Variants in CCDC93 observed in about 807,000 individuals in gnomAD.
CCDC93 encodes the protein coiled-coil domain-containing protein 93.
CCDC93 carries 61 observed loss-of-function variants against 108.2 expected under a neutral mutation model. The observed-to-expected ratio is 0.56, with a 90% CI of 0.46 to 0.70. CCDC93 has a LOEUF of 0.70. CCDC93 is among the 30% of genes least tolerant of loss of function. The pLI is 0.00. For synonymous variants in CCDC93, 276 were observed against 260.4 expected (o/e 1.06, Z -0.58); for missense variants, 685 against 764.2 (o/e 0.90, Z 1.22).
chr2:117,975,070 T>C, intron 9 of CCDC93, 118 bp downstream of exon 9: 11 of 1,049,438 alleles, frequency 1.0e-5, no homozygotes, highest in Non-Finnish European at 1.6e-5. Context: ...GTGAAAGACC[T>C]GCTCACAGCA....
In CCDC93 at chr2:117,931,161, A is replaced by G; in HGVS notation, c.1729-11T>C. 1 of 1,594,764 alleles carries G rather than the reference A, an allele frequency of 6.3e-7. No homozygotes were observed. The highest frequency in any genetic ancestry group is 8.6e-7 in the Non-Finnish European group (1 of 1,162,672). ...CTTTTTCTTTTCCATCTGTTGAAAC[A>G]TTGTGGGAAATGGTGATGAAAAGAC... is the stretch of plus-strand genomic sequence containing the variant. On this transcript the variant is annotated splice_polypyrimidine_tract_variant and intron_variant, in intron 22 of 23. Coordinates refer to ENST00000376300, the MANE Select transcript of CCDC93 (RefSeq NM_019044.5).
intron 23 of CCDC93, among the ~76,000 whole-genome samples, chr2:117,929,629 G>T (rs1678255722): frequency 6.6e-6 from 1 of 152,218 alleles, no homozygotes; most frequent in Admixed American, 6.5e-5. Flanking sequence ...TTGAGATGCA[G>T]TTCTTCTCCT....
chr2:117,940,877 G>A (rs148849209), intron 19 of CCDC93, among the ~76,000 whole-genome samples: 5 of 152,336 alleles, frequency 3.3e-5, no homozygotes, highest in Non-Finnish European at 7.3e-5. Flanking sequence ...CCAGGGTCAC[G>A]ATGTTCCGTG....
chr2:117,971,738 T>C (rs1362840065), intron 11 of CCDC93, among the ~76,000 whole-genome samples: 1 of 152,238 alleles, frequency 6.6e-6, no homozygotes, highest in Non-Finnish European at 1.5e-5. Flanking sequence ...ACTCACTCAC[T>C]GTCCTACCTC....
At chr2:118,013,852 G>T in intron 1 of CCDC93, 102 bp downstream of exon 1, 3 of 1,024,174 alleles carry the variant, frequency 2.9e-6, no homozygotes, top group South Asian at 1.7e-5. Flanking sequence ...GAAGGGGGCG[G>T]GGCGCCCCTA....
At chr2:117,983,677 T>TATATATAG (rs1680219440) in intron 7 of CCDC93, among the ~76,000 whole-genome samples, 1 of 105,926 alleles carries the variant, frequency 9.4e-6, no homozygotes, top group African/African-American at 3.8e-5. Context: ...TATATATATA[T>TATATATAG]AGTCATATAA....
chr2:117,939,123 AAGAAATCAGCACACGAAT>A lies in CCDC93; in HGVS notation c.1523-30_1523-13del. 6.4e-7 allele frequency: 1 copy of A among 1,551,498 alleles called. No homozygotes were observed. The highest frequency in any genetic ancestry group is 8.9e-7 in the Non-Finnish European group (1 of 1,124,378). ...GTGCACTGCTGAAACTGTAAAAGTA[AAGAAATCAGCACACGAAT>A]AAGAACAGGTATCAGAACACCCTAC... On this transcript the variant is annotated splice_polypyrimidine_tract_variant and intron_variant, in intron 19 of 23. Transcript: ENST00000376300.
chr2:117,980,068 C>T (rs1001752468), intron 7 of CCDC93, among the ~76,000 whole-genome samples: 2 of 152,156 alleles, frequency 1.3e-5, no homozygotes, highest in African/African-American at 2.4e-5. Context: ...ACAGAAGCAG[C>T]GTGGTTTCCT....
At chr2:117,941,088 T>C (rs1262632506) in intron 19 of CCDC93, 101 bp downstream of exon 19, 3 of 811,490 alleles carry the variant, frequency 3.7e-6, no homozygotes, top group Non-Finnish European at 6.1e-6. Context: ...GTGGCCTTTG[T>C]GGACTGTGCT....
At chr2:117,953,029 G>A (rs1447534833) in intron 12 of CCDC93, among the ~76,000 whole-genome samples, 3 of 152,148 alleles carry the variant, frequency 2.0e-5, no homozygotes, top group African/African-American at 7.2e-5. Context: ...CCTTTCTCTT[G>A]CTAAAACAGT....
At chr2:118,003,705 A>G (rs1676782753) in intron 3 of CCDC93, among the ~76,000 whole-genome samples, 1 of 152,146 alleles carries the variant, frequency 6.6e-6, no homozygotes, top group Non-Finnish European at 1.5e-5. Context: ...AAAGGTCCAG[A>G]GAGAAGGCTA....
intron 6 of CCDC93, among the ~76,000 whole-genome samples, chr2:117,989,332 T>C (rs904730429): frequency 6.6e-6 from 1 of 152,130 alleles, no homozygotes; most frequent in African/African-American, 2.4e-5. Context: ...AGAGTTCCTT[T>C]CCTCTCCTCC....
intron 11 of CCDC93, among the ~76,000 whole-genome samples, chr2:117,968,207 G>T (rs1337822677): frequency 2.0e-5 from 3 of 152,180 alleles, no homozygotes; most frequent in African/African-American, 7.2e-5. Flanking sequence ...TGCCCTCCCA[G>T]GGACCTTGCA....
chr2:117,961,561 C>T (rs1017424931), intron 11 of CCDC93, among the ~76,000 whole-genome samples: 1 of 152,192 alleles, frequency 6.6e-6, no homozygotes, highest in African/African-American at 2.4e-5. Context: ...GCTGACCGCT[C>T]TGTTTTTCAA....
chr2:117,999,635 G>A (rs909364895), intron 4 of CCDC93, among the ~76,000 whole-genome samples: 5 of 152,184 alleles, frequency 3.3e-5, no homozygotes, highest in Admixed American at 1.3e-4. Flanking sequence ...TCCAGGACCC[G>A]CTAGATATTA....
chr2:117,941,383 C>A, intron 18 of CCDC93, 86 bp from the exon 19 acceptor site: 1 of 986,266 alleles, frequency 1.0e-6, no homozygotes, highest in East Asian at 2.5e-5. Flanking sequence ...GCCTGCACCC[C>A]GACCTGAGCC....
intron 7 of CCDC93, among the ~76,000 whole-genome samples, chr2:117,984,245 A>G (rs1454238087): frequency 6.6e-6 from 1 of 152,158 alleles, no homozygotes; most frequent in African/African-American, 2.4e-5. Context: ...AACCTTCAGG[A>G]AATGCCCACC....
chr2:117,958,351 A>C lies in CCDC93; in HGVS notation c.1005+14T>G. 6.6e-7 allele frequency: 1 copy of C among 1,504,120 alleles called. No homozygotes were observed. Among genetic ancestry groups the C allele is most frequent in the South Asian group, 1.1e-5 (1 of 88,794 alleles). The allele number at this position is 1,504,120 out of a possible 1,614,324, so 93.2% of individuals were successfully genotyped here. A position where few individuals can be genotyped will look rare whatever the true frequency, so the allele number is the denominator to read the frequency against. On this transcript the variant is annotated intron_variant, in intron 12 of 23. Transcript: ENST00000376300. ...TGAAGATCTTGAATAAACTTACGAA[A>C]AGAAAACACTGACCTCTTCAAGATG...
chr2:117,965,025 G>C (rs1475073677), intron 11 of CCDC93, among the ~76,000 whole-genome samples: 1 of 152,044 alleles, frequency 6.6e-6, no homozygotes, highest in Admixed American at 6.5e-5. Context: ...ATGAAATATT[G>C]GCCCTCTAAA....
Sources: allele counts gnomAD v4.1 joint callset (sites outside exome capture counted in the v4.1 genomes callset), GRCh38; gene constraint gnomAD v4.1.1; transcripts MANE v1.5; gene names NCBI Gene and HGNC (gene_info 2026-07-23, HGNC 2026-07-21).